MYH16: variants seen among roughly 807,000 people sequenced by gnomAD.
MYH16 encodes putative uncharacterized protein MYH16.
chr7:99,299,951 A>C (rs1450661921), intron 37 of MYH16, among the ~76,000 whole-genome samples: 2 of 148,926 alleles, frequency 1.3e-5, no homozygotes, highest in African/African-American at 2.5e-5. Flanking sequence ...TTATTTATTT[A>C]TTTATTTATT....
intron 14 of MYH16, among the ~76,000 whole-genome samples, chr7:99,263,851 G>C (rs1004228819): frequency 6.6e-6 from 1 of 152,196 alleles, no homozygotes; most frequent in African/African-American, 2.4e-5. Context: ...GGCTCATAGA[G>C]GAATGCTCTG....
chr7:99,281,198 G>A (rs1792195129), intron 23 of MYH16, among the ~76,000 whole-genome samples: 4 of 152,168 alleles, frequency 2.6e-5, no homozygotes, highest in Admixed American at 2.6e-4. Flanking sequence ...TGTTATAAGT[G>A]GGGTGACAAT....
At chr7:99,250,617 C>T (rs1299883372) in intron 5 of MYH16, among the ~76,000 whole-genome samples, 1 of 152,176 alleles carries the variant, frequency 6.6e-6, no homozygotes. Flanking sequence ...TGGCATGTGC[C>T]TATAGTCCCA....
At chr7:99,273,997 C>T (rs935878660) in intron 20 of MYH16, among the ~76,000 whole-genome samples, 1 of 152,208 alleles carries the variant, frequency 6.6e-6, no homozygotes, top group Non-Finnish European at 1.5e-5. Context: ...TGGAGAGCGC[C>T]ATACCACCCC....
exon 11 of MYH16, chr7:99,258,370 G>A (rs913042952): frequency 1.9e-5 from 3 of 156,926 alleles, no homozygotes; most frequent in East Asian, 1.9e-4. Context: ...GCTGGACATC[G>A]CTGGCTTTGA....
In MYH16 at chr7:99,296,681, C is replaced by G. The variant is rs1303165896; in HGVS notation, n.4283-20C>G. 3 of 454,746 alleles carry G rather than the reference C, an allele frequency of 6.6e-6. No individual in the cohort carries two copies. The highest frequency in any genetic ancestry group is 6.0e-5 in the African/African-American group (3 of 49,922). 28.2% of individuals were successfully genotyped at this position (454,746 alleles called of 1,614,324 possible). A position where few individuals can be genotyped will look rare whatever the true frequency, so the allele number is the denominator to read the frequency against. On this transcript the variant is annotated intron_variant and non_coding_transcript_variant, in intron 33 of 41. Coordinates refer to ENST00000439784, the Ensembl canonical transcript of MYH16. ...GGCAAGGAGGTTGGACCCCTAGAGG[C>G]CATTTCCAACTTTCCCTAGGCCAAT...
intron 38 of MYH16, 126 bp from the exon 20 acceptor site, chr7:99,302,939 A>C (rs1792623712): frequency 6.6e-6 from 1 of 151,964 alleles, no homozygotes; most frequent in African/African-American, 2.4e-5. Context: ...CCCCACGCAG[A>C]GGGCCCAGGG....
intron 1 of MYH16, among the ~76,000 whole-genome samples, chr7:99,242,220 T>A (rs1276858636): frequency 6.6e-6 from 1 of 152,200 alleles, no homozygotes; most frequent in African/African-American, 2.4e-5. Flanking sequence ...TCTGCCCACA[T>A]GGCACGGGCG....
intron 28 of MYH16, among the ~76,000 whole-genome samples, chr7:99,286,818 G>A (rs1446266919): frequency 1.3e-5 from 2 of 152,044 alleles, no homozygotes; most frequent in Non-Finnish European, 2.9e-5. Context: ...GCTGGGCATG[G>A]TGGCATGTTC....
At chr7:99,296,965 C>G (rs767378502) in intron 34 of MYH16, 48 bp downstream of exon 15, 1 of 448,526 alleles carries the variant, frequency 2.2e-6, no homozygotes, top group East Asian at 7.0e-5. Flanking sequence ...GGAGGGGACA[C>G]AGCCAGAGTC....
At chr7:99,240,922 A>G (rs1791660290) in intron 1 of MYH16, among the ~76,000 whole-genome samples, 1 of 151,810 alleles carries the variant, frequency 6.6e-6, no homozygotes, top group Non-Finnish European at 1.5e-5. Flanking sequence ...CTTCGAGAGG[A>G]GCAGTGGTAA....
At chr7:99,302,901 A>C (rs576145877) in intron 38 of MYH16, among the ~76,000 whole-genome samples, 164 bp from the exon 20 acceptor site, 2 of 152,042 alleles carry the variant, frequency 1.3e-5, no homozygotes, top group Admixed American at 1.3e-4. Flanking sequence ...AAAAAGAAAA[A>C]AAAAAGAATG....
intron 20 of MYH16, among the ~76,000 whole-genome samples, chr7:99,274,474 A>G (rs928602323): frequency 2.0e-5 from 3 of 152,162 alleles, no homozygotes; most frequent in African/African-American, 7.2e-5. Context: ...ACTAGCTAAC[A>G]ATCAGCACCC....
intron 20 of MYH16, 68 bp from the exon 3 acceptor site, chr7:99,277,471 A>G (rs1792130197): frequency 2.4e-6 from 1 of 411,512 alleles, no homozygotes; most frequent in East Asian, 7.1e-5. Flanking sequence ...CAGAGACTCC[A>G]CAGCCCTCCG....
chr7:99,246,422 C>T (rs753542466), intron 2 of MYH16, among the ~76,000 whole-genome samples: 49 of 152,110 alleles, frequency 3.2e-4, no homozygotes, highest in Admixed American at 2.2e-3. Flanking sequence ...GTACTATAGG[C>T]TGGGCGCAGT....
chr7:99,250,650 G>A (rs1791798743), intron 5 of MYH16, among the ~76,000 whole-genome samples: 2 of 152,290 alleles, frequency 1.3e-5, no homozygotes, highest in Non-Finnish European at 2.9e-5. Context: ...GCTGAAGTGG[G>A]AGGATCACCT....
At chr7:99,282,049 G>T (rs969568487) in intron 23 of MYH16, among the ~76,000 whole-genome samples, 1 of 152,214 alleles carries the variant, frequency 6.6e-6, no homozygotes, top group Non-Finnish European at 1.5e-5. Context: ...TTGAGATGGA[G>T]TCTCACTCTG....
At chr7:99,279,540 C>A (rs747484331) in exon 22 of MYH16, 1 of 456,376 alleles carries the variant, frequency 2.2e-6, no homozygotes, top group East Asian at 7.0e-5. Flanking sequence ...TGCAGAGGAG[C>A]GCCTGACATG....
At chr7:99,273,113 G>T (rs149807158) in intron 19 of MYH16, among the ~76,000 whole-genome samples, 36 bp downstream of exon 1, 1 of 152,308 alleles carries the variant, frequency 6.6e-6, no homozygotes, top group African/African-American at 2.4e-5. Flanking sequence ...GGAGGGACCT[G>T]GTTCCATCAG....
Sources: gnomAD v4.1 joint callset for allele counts (sites outside exome capture counted in the v4.1 genomes callset) on GRCh38, gnomAD v4.1.1 for gene constraint, MANE v1.5 for transcripts, NCBI Gene and HGNC (gene_info 2026-07-23, HGNC 2026-07-21) for gene names.